DCLRE1B: variants seen among roughly 807,000 people sequenced by gnomAD.
The protein encoded by DCLRE1B is 5' exonuclease Apollo.
Under a neutral mutation model 19.8 loss-of-function variants are expected in DCLRE1B, and 6 were observed. The observed-to-expected ratio is 0.30, with a 90% CI of 0.17 to 0.60. The LOEUF (loss-of-function observed/expected upper bound fraction) is 0.60, where lower values mean the gene tolerates loss of function less well. Among genes scored for constraint, DCLRE1B ranks in the 20% least tolerant of loss-of-function variants. DCLRE1B has a pLI of 0.87. For synonymous variants in DCLRE1B, 258 were observed against 255.7 expected, an observed-to-expected ratio of 1.01 and a Z score of -0.09; for missense variants, 622 against 654.2, an observed-to-expected ratio of 0.95 and a Z score of 0.54.
upstream of DCLRE1B, chr1:113,904,818 T>A (rs1668769446): frequency 3.8e-6 from 4 of 1,045,910 alleles, no homozygotes; most frequent in East Asian, 2.4e-5. Context: ...TATGAGTCAG[T>A]GAAAATACAA....
At chr1:113,911,054 G>A (rs1378219922) in intron 3 of DCLRE1B, 77 bp from the exon 4 acceptor site, 1 of 1,353,330 alleles carries the variant, frequency 7.4e-7, no homozygotes, top group Non-Finnish European at 1.0e-6. Context: ...TAAACATTTT[G>A]TTGATTTATT....
upstream of DCLRE1B, chr1:113,905,037 A>C: frequency 2.5e-6 from 1 of 407,154 alleles, no homozygotes; most frequent in Non-Finnish European, 4.7e-6. Context: ...CTGACCGCAG[A>C]CCCCTCCCTC....
At position 113,911,075 on chromosome 1, in the gene DCLRE1B, A is replaced by G. The variant is rs1298172013; in HGVS notation, c.539-56A>G. 2.0e-6 allele frequency: 3 copies of G among 1,479,060 alleles called. No homozygotes were observed. The African/African-American group carries it at 4.2e-5, about 21-fold the overall frequency. The allele number at this position is 1,479,060 out of a possible 1,614,324, so 91.6% of individuals were successfully genotyped here. A position where few individuals can be genotyped will look rare whatever the true frequency, so the allele number is the denominator to read the frequency against. ...TTTTGTTGATTTATTAGGATTTTCCAATAGCTTAATTTTCTTCCTTCTCTT... is the reference window on the plus strand; with the variant it reads ...TTTTGTTGATTTATTAGGATTTTCCGATAGCTTAATTTTCTTCCTTCTCTT... On this transcript the variant is annotated intron_variant, in intron 3 of 3. Coordinates refer to ENST00000650450, the MANE Select transcript of DCLRE1B (RefSeq NM_022836.4).
At chr1:113,906,943 G>A (rs1669036899) in intron 1 of DCLRE1B, 53 bp from the exon 2 acceptor site, 1 of 1,598,492 alleles carries the variant, frequency 6.3e-7, no homozygotes, top group African/African-American at 1.3e-5. Context: ...CCTGACCCGG[G>A]GAGGTAACGG....
At chr1:113,905,141 A>C (rs1668827397), upstream of DCLRE1B, 38 of 350,290 alleles carry the variant, frequency 1.1e-4, no homozygotes, top group South Asian at 9.4e-4. Flanking sequence ...TTGTCAAGAG[A>C]CCAAACAGAA....
chr1:113,911,872 C>CA lies in DCLRE1B; in HGVS notation c.1280_1281insA (p.Leu429ThrfsTer12). The stretch of plus-strand genomic sequence containing the variant: ...CAAAAGAGGGTGACTATGTTGACGG[C>CA]CCCACTGGGATTTTCAGTGCACTTA... On this transcript the variant is annotated frameshift_variant, in exon 4 of 4. Transcript: ENST00000650450. LOFTEE classifies it low-confidence loss of function (END_TRUNC). 9 of 1,614,180 alleles carry CA rather than the reference C, an allele frequency of 5.6e-6. No individual in the cohort carries two copies. Among genetic ancestry groups the CA allele is most frequent in the Non-Finnish European group, 7.6e-6 (9 of 1,180,036 alleles).
intron 3 of DCLRE1B, among the ~76,000 whole-genome samples, chr1:113,909,665 A>G (rs1405561244): frequency 6.6e-6 from 1 of 152,252 alleles, no homozygotes; most frequent in Admixed American, 6.5e-5. Flanking sequence ...TCAAAAAAGC[A>G]AAGCTGGCTA....
chr1:113,910,009 A>G (rs1669196333), intron 3 of DCLRE1B, among the ~76,000 whole-genome samples: 2 of 152,242 alleles, frequency 1.3e-5, no homozygotes, highest in Admixed American at 1.3e-4. Flanking sequence ...GTCTGAGAAC[A>G]GCTATTAAAC....
chr1:113,910,646 C>T (rs533321549), intron 3 of DCLRE1B, among the ~76,000 whole-genome samples: 1 of 152,040 alleles, frequency 6.6e-6, no homozygotes, highest in Non-Finnish European at 1.5e-5. Context: ...GAACTATAGG[C>T]GTGCACCAAC....
rs752017671 is a variant in DCLRE1B at position 113,911,431 on chromosome 1, C to T, written c.839C>T (p.Ser280Phe). 1.7e-5 allele frequency: 27 copies of T among 1,614,086 alleles called. No individual in the cohort carries two copies. In the Admixed American group the frequency reaches 4.3e-4, roughly 26 times the overall value. Reference sequence around the variant, plus strand: ...CCTTACTCTGACCATTCCTCTTACTCCGAGCTTCGTGCCTTTGTCGCAGCA... The same window carrying T: ...CCTTACTCTGACCATTCCTCTTACTTCGAGCTTCGTGCCTTTGTCGCAGCA... Reference protein sequence around the residue: ...VIPYSDHSSYSELRAFVAALK... With the variant: ...VIPYSDHSSYFELRAFVAALK... The change falls in exon 4 of 4, where the codon TCC (serine) becomes TTC (phenylalanine). Residue 280 changes from serine to phenylalanine, a missense_variant. Ser to Phe is a radical substitution (Grantham distance 155). Transcript: ENST00000650450.
Position 113,912,229 on chromosome 1 carries a change from C to G in DCLRE1B, c.*38C>G, listed in dbSNP as rs1424373594. ...ACAGAATGACAACATTGAGCCCACACTGCAGTTTTGAAGATAGTAACTGAT... is the reference window on the plus strand; with the variant it reads ...ACAGAATGACAACATTGAGCCCACAGTGCAGTTTTGAAGATAGTAACTGAT... On this transcript the variant is annotated 3_prime_UTR_variant, in exon 4 of 4. Transcript: ENST00000650450. The G allele has an allele frequency of 6.5e-7, 1 of 1,545,426 alleles. No individual in the cohort carries two copies. Among genetic ancestry groups the G allele is most frequent in the South Asian group, 1.2e-5 (1 of 81,790 alleles).
At position 113,911,983 on chromosome 1, in the gene DCLRE1B, A is replaced by T. The variant is rs767399805; in HGVS notation, c.1391A>T (p.Asp464Val). The change falls in exon 4 of 4, where the codon GAT (aspartate) becomes GTT (valine). Residue 464 changes from aspartate (D) to valine (V), a missense_variant. Asp to Val is a radical substitution (Grantham distance 152, BLOSUM62 -3). Around this residue, in one of 3 missense-constraint regions of DCLRE1B, gnomAD observed 382 missense variants for 412.5 expected, o/e 0.93. Transcript: ENST00000650450. ...CCCTTGGTACCCATGGGAGATGATGATGGAGGTCCAGAAGCCACAGGGAAT... is the reference window on the plus strand; with the variant it reads ...CCCTTGGTACCCATGGGAGATGATGTTGGAGGTCCAGAAGCCACAGGGAAT... ...GSPLVPMGDD[D>V]GGPEATGNQS... 7 of 1,614,078 alleles carry T rather than the reference A, an allele frequency of 4.3e-6. No homozygotes were observed. In the African/African-American group the frequency reaches 8.0e-5, roughly 18 times the overall value.
At position 113,911,931 on chromosome 1, in the gene DCLRE1B, A is replaced by T. The variant is rs1038661281; in HGVS notation, c.1339A>T (p.Thr447Ser). 3.7e-6 allele frequency: 6 copies of T among 1,614,162 alleles called. No homozygotes were observed. Among genetic ancestry groups the T allele is most frequent in the Non-Finnish European group, 5.1e-6 (6 of 1,180,022 alleles). The change falls in exon 4 of 4, where the codon ACC (threonine) becomes TCC (serine). Residue 447 changes from threonine to serine, a missense_variant. By Grantham distance (58) the Thr-to-Ser change is moderately conservative (BLOSUM62 1). Coordinates refer to ENST00000650450, the MANE Select transcript of DCLRE1B (RefSeq NM_022836.4). ...STDEEFISQK[T>S]REEIGLGSPL... Reference sequence around the variant, plus strand: ...AGATGAGGAGTTTATTTCTCAAAAAACCAGGGAGGAAATTGGTTTAGGGTC... The same window carrying T: ...AGATGAGGAGTTTATTTCTCAAAAATCCAGGGAGGAAATTGGTTTAGGGTC...
In DCLRE1B at chr1:113,912,330, A is replaced by G; in HGVS notation, c.*139A>G. ...GACTCTTATGGGCCCACCGTGGAGC[A>G]GCACTTCCCAAAACTTGTTCACTGG... On this transcript the variant is annotated 3_prime_UTR_variant, in exon 4 of 4. Coordinates refer to ENST00000650450, the MANE Select transcript of DCLRE1B (RefSeq NM_022836.4). 1 of 820,292 alleles carries G rather than the reference A, an allele frequency of 1.2e-6. No individual in the cohort carries two copies. Among genetic ancestry groups the G allele is most frequent in the South Asian group, 2.2e-5 (1 of 45,184 alleles). 50.8% of individuals were successfully genotyped at this position (820,292 alleles called of 1,614,324 possible).
intron 3 of DCLRE1B, among the ~76,000 whole-genome samples, chr1:113,909,669 C>T (rs1669179648): frequency 1.3e-5 from 2 of 152,160 alleles, no homozygotes; most frequent in East Asian, 1.9e-4. Context: ...AAAAGCAAAG[C>T]TGGCTAGGAG....
intron 1 of DCLRE1B, 112 bp downstream of exon 1, chr1:113,905,887 G>C: frequency 7.8e-7 from 1 of 1,281,444 alleles, no homozygotes; most frequent in South Asian, 1.6e-5. Context: ...TTTGGAAGTT[G>C]TTTGAACCCA....
In DCLRE1B at chr1:113,908,138, CCCA is replaced by C; in HGVS notation, c.489_491del (p.His163del). The C allele has an allele frequency of 6.2e-7, 1 of 1,614,186 alleles. No homozygotes were observed. The highest frequency in any genetic ancestry group is 8.5e-7 in the Non-Finnish European group (1 of 1,180,020). ...GTTCTTCCTTCCCGACAAGAAGCTG[CCCA>C]CCAGATTGTCCAGCTCATTCGAAAA... On this transcript the variant is annotated inframe_deletion, in exon 3 of 4. Coordinates refer to ENST00000650450, the MANE Select transcript of DCLRE1B (RefSeq NM_022836.4).
chr1:113,911,901 T>C lies in DCLRE1B; in HGVS notation c.1309T>C (p.Ser437Pro), dbSNP rs1388955148. The change falls in exon 4 of 4, where the codon TCT becomes CCT. Residue 437 changes from serine (S) to proline (P), a missense_variant. Physicochemically the swap from Ser to Pro is moderately conservative, Grantham distance 74 (BLOSUM62 -1). Transcript: ENST00000650450. ...ACTGGGATTTTCAGTGCACTTAAGGTCTACAGATGAGGAGTTTATTTCTCA... is the reference window on the plus strand; with the variant it reads ...ACTGGGATTTTCAGTGCACTTAAGGCCTACAGATGAGGAGTTTATTTCTCA... ...APLGFSVHLR[S>P]TDEEFISQKT... The C allele has an allele frequency of 1.9e-6, 3 of 1,614,000 alleles. No individual in the cohort carries two copies. In the African/African-American group the frequency reaches 4.0e-5, roughly 22 times the overall value.
Position 113,913,659 on chromosome 1 carries a change from C to A in DCLRE1B, c.*1468C>A, listed in dbSNP as rs776102080. The A allele has an allele frequency of 2.0e-5, 3 of 152,634 alleles. No homozygotes were observed. Among genetic ancestry groups the A allele is most frequent in the Non-Finnish European group, 4.4e-5 (3 of 68,020 alleles). 9.5% of individuals were successfully genotyped at this position (152,634 alleles called of 1,614,324 possible). On this transcript the variant is annotated 3_prime_UTR_variant, in exon 4 of 4. Coordinates refer to ENST00000650450, the MANE Select transcript of DCLRE1B (RefSeq NM_022836.4). ...TGGAGATTGAATAATTGGTAAAATT[C>A]TCCTAGCTCAGTGACTGCCACAGGA...
Sources: gnomAD v4.1 joint callset for allele counts (sites outside exome capture counted in the v4.1 genomes callset) on GRCh38, gnomAD v4.1.1 for gene constraint, gnomAD v4.1.1 regional missense constraint, MANE v1.5 for transcripts, NCBI Gene and HGNC (gene_info 2026-07-23, HGNC 2026-07-21) for gene names.